Variants in IQGAP2 observed in about 807,000 individuals in gnomAD.
The protein encoded by IQGAP2 is IQ motif containing GTPase activating protein 2, also known as ras GTPase-activating-like protein IQGAP2.
IQGAP2 carries 173 observed loss-of-function variants against 201.3 expected under a neutral mutation model. The observed-to-expected ratio is 0.86, with a 90% CI of 0.76 to 0.98. IQGAP2 has a LOEUF of 0.98. IQGAP2 is among the 50% of genes least tolerant of loss of function. The probability of loss-of-function intolerance (pLI) is 0.00; values close to 1 mark genes in which losing one functional copy is unlikely to be tolerated. For missense variants in IQGAP2, 1,687 were observed against 1,864.8 expected (o/e 0.90, Z 1.76); for synonymous variants, 675 against 673.9 (o/e 1.00, Z -0.03).
chr5:76,452,858 T>G (rs552325231), intron 1 of IQGAP2, among the ~76,000 whole-genome samples: 2 of 152,134 alleles, frequency 1.3e-5, no homozygotes, highest in South Asian at 4.1e-4. Context: ...CTAACCTCTC[T>G]GAGTTTGTTT....
chr5:76,615,750 A>T (rs1457026745), intron 13 of IQGAP2: 1 of 83,584 alleles, frequency 1.2e-5, no homozygotes, highest in Non-Finnish European at 3.1e-5. Flanking sequence ...TACTTACAGG[A>T]ATATAATGGG....
At chr5:76,487,367 G>C (rs1389792185) in intron 2 of IQGAP2, among the ~76,000 whole-genome samples, 3 of 152,138 alleles carry the variant, frequency 2.0e-5, no homozygotes, top group African/African-American at 7.2e-5. Context: ...AAAGTGCTGG[G>C]ATTACAGGCG....
chr5:76,404,580 T>C (rs185516184), intron 1 of IQGAP2: 51 of 755,824 alleles, frequency 6.7e-5, no homozygotes, highest in Non-Finnish European at 7.7e-5. Context: ...GGTGTTTTGT[T>C]TGTGTGTGTG....
At chr5:76,423,696 G>T (rs963669849) in intron 1 of IQGAP2, among the ~76,000 whole-genome samples, 1 of 152,182 alleles carries the variant, frequency 6.6e-6, no homozygotes, top group African/African-American at 2.4e-5. Flanking sequence ...AAGAAAGAGT[G>T]GGAAGAGTGC....
chr5:76,643,434 A>G (rs2910820), intron 17 of IQGAP2, among the ~76,000 whole-genome samples: 93,937 of 151,982 alleles, frequency 0.62, 29,201 homozygotes, highest in South Asian at 0.78. Context: ...ATTTTATTGC[A>G]GGGTGGTGAA....
At chr5:76,445,966 C>A (rs1448987102) in intron 1 of IQGAP2, among the ~76,000 whole-genome samples, 1 of 152,194 alleles carries the variant, frequency 6.6e-6, no homozygotes, top group Admixed American at 6.5e-5. Flanking sequence ...TGGCTAATTT[C>A]ACTTAGAATA....
At chr5:76,454,181 C>A (rs1052299769) in intron 1 of IQGAP2, among the ~76,000 whole-genome samples, 3 of 151,994 alleles carry the variant, frequency 2.0e-5, no homozygotes, top group Non-Finnish European at 2.9e-5. Context: ...CTAGATACAC[C>A]CCACCCACAA....
rs549217394 is a variant in IQGAP2 at position 76,508,995 on chromosome 5, G to A, written c.146+47326G>A. ...ATGCTGATGACAGTGTGCTCTGGGG[G>A]AGCCTTTTTGGTAAACAGTTTGGCT... On this transcript the variant is annotated intron_variant, in intron 2 of 35. Transcript: ENST00000274364. Among the ~76,000 whole-genome samples, 4 of 151,950 alleles carry A rather than the reference G, an allele frequency of 2.6e-5. No homozygotes were observed. In the East Asian group the frequency reaches 7.7e-4, roughly 29 times the overall value.
chr5:76,569,151 A>G (rs1028659708), intron 3 of IQGAP2, among the ~76,000 whole-genome samples: 1 of 152,146 alleles, frequency 6.6e-6, no homozygotes, highest in Admixed American at 6.5e-5. Context: ...GAATAATCAA[A>G]CAATCTAGGT....
chr5:76,507,046 C>T (rs567272458), intron 2 of IQGAP2, among the ~76,000 whole-genome samples: 11 of 152,030 alleles, frequency 7.2e-5, no homozygotes, highest in Admixed American at 1.3e-4. Flanking sequence ...GCAAAGACCC[C>T]GAATAGCCAA....
intron 2 of IQGAP2, among the ~76,000 whole-genome samples, chr5:76,492,139 G>A (rs867962038): frequency 1.3e-5 from 2 of 152,206 alleles, no homozygotes; most frequent in Non-Finnish European, 2.9e-5. Context: ...AAAGGGATTC[G>A]GAGAAGTTTG....
intron 1 of IQGAP2, among the ~76,000 whole-genome samples, chr5:76,429,890 C>CAT (rs1752269388): frequency 3.2e-5 from 4 of 123,788 alleles, no homozygotes; most frequent in Non-Finnish European, 5.5e-5. Context: ...CACACACACA[C>CAT]ACACGACTAT....
rs138893939 is a variant in IQGAP2 at position 76,561,899 on chromosome 5, C to T, written c.147-497C>T. Among the ~76,000 whole-genome samples the T allele has an allele frequency of 2.4e-3, 360 of 152,276 alleles. 2 individuals carry two copies. The highest frequency in any genetic ancestry group is 6.8e-3 in the Middle Eastern group (2 of 294). On this transcript the variant is annotated intron_variant, in intron 2 of 35. Coordinates refer to ENST00000274364, the MANE Select transcript of IQGAP2 (RefSeq NM_006633.5). ...GAAGCCTTGTCTGCTTCCTTAATTC[C>T]AATGCCCCTTTTCCATGCCTTCCTA...
At chr5:76,617,751 A>G (rs1749130619) in intron 13 of IQGAP2, 1 of 1,613,820 alleles carries the variant, frequency 6.2e-7, no homozygotes, top group Non-Finnish European at 8.5e-7. Flanking sequence ...AATAAGAATA[A>G]TATTGCTTGG....
At chr5:76,428,388 C>T (rs922931098) in intron 1 of IQGAP2, among the ~76,000 whole-genome samples, 3 of 151,598 alleles carry the variant, frequency 2.0e-5, no homozygotes, top group African/African-American at 7.3e-5. Context: ...AGATGGGGAG[C>T]CCAGGAACCC....
At chr5:76,586,788 C>T (rs900904619) in intron 5 of IQGAP2, among the ~76,000 whole-genome samples, 2 of 152,206 alleles carry the variant, frequency 1.3e-5, no homozygotes, top group African/African-American at 4.8e-5. Flanking sequence ...AGGTGTTGCT[C>T]TTCAGTGGGA....
At chr5:76,631,084 G>T (rs1457015624) in intron 14 of IQGAP2, among the ~76,000 whole-genome samples, 1 of 152,176 alleles carries the variant, frequency 6.6e-6, no homozygotes, top group African/African-American at 2.4e-5. Context: ...TGTTTTTCAT[G>T]TAGGAAGTAT....
chr5:76,524,848 T>G (rs1298446769), intron 2 of IQGAP2, among the ~76,000 whole-genome samples: 1 of 152,230 alleles, frequency 6.6e-6, no homozygotes, highest in Non-Finnish European at 1.5e-5. Context: ...ATCTGAAATA[T>G]ATTTTTCCTT....
chr5:76,653,809 A>G (rs1752699876), intron 18 of IQGAP2, among the ~76,000 whole-genome samples: 1 of 152,170 alleles, frequency 6.6e-6, no homozygotes, highest in African/African-American at 2.4e-5. Context: ...TATTGGATGC[A>G]TTTAAAGGGA....
Sources: allele counts gnomAD v4.1 joint callset (sites outside exome capture counted in the v4.1 genomes callset), GRCh38; gene constraint gnomAD v4.1.1; transcripts MANE v1.5; gene names NCBI Gene and HGNC (gene_info 2026-07-23, HGNC 2026-07-21).